COTL1: variants seen among roughly 807,000 people sequenced by gnomAD.
The protein encoded by COTL1 is coactosin like F-actin binding protein 1.
Under a neutral mutation model 16.5 loss-of-function variants are expected in COTL1, and 15 were observed. The ratio of observed to expected loss-of-function variants is 0.91; its 90% CI spans 0.61 to 1.40. The LOEUF (loss-of-function observed/expected upper bound fraction) is 1.40. COTL1 is among the 40% of genes most tolerant of loss of function. The probability of loss-of-function intolerance (pLI) is 0.00; values close to 1 mark genes in which losing one functional copy is unlikely to be tolerated. For synonymous variants in COTL1, 112 were observed against 85.3 expected, an observed-to-expected ratio of 1.31 and a Z score of -1.73; for missense variants, 220 against 201.5, an observed-to-expected ratio of 1.09 and a Z score of -0.56.
At chr16:84,599,469 T>C (rs1332335589) in intron 2 of COTL1, among the ~76,000 whole-genome samples, 5 of 152,210 alleles carry the variant, frequency 3.3e-5, no homozygotes, top group African/African-American at 4.8e-5. Flanking sequence ...TTAGCGTAAG[T>C]CCTTTGGATC....
At chr16:84,593,831 G>A (rs892615080) in intron 2 of COTL1, among the ~76,000 whole-genome samples, 2 of 152,154 alleles carry the variant, frequency 1.3e-5, no homozygotes, top group African/African-American at 4.8e-5. Flanking sequence ...CAATTCAGTG[G>A]CTTTAAGGAC....
intron 2 of COTL1, among the ~76,000 whole-genome samples, chr16:84,611,015 G>A (rs1905311589): frequency 6.6e-6 from 1 of 152,210 alleles, no homozygotes; most frequent in East Asian, 1.9e-4. Context: ...TTTACTCTGT[G>A]TCAGGCAGTA....
At chr16:84,617,388 A>T in intron 2 of COTL1, 113 bp downstream of exon 2, 1 of 933,754 alleles carries the variant, frequency 1.1e-6, no homozygotes, top group Non-Finnish European at 1.7e-6. Flanking sequence ...GCCATGCGCC[A>T]GGGGCACCCC....
chr16:84,603,670 G>A (rs890889533), intron 2 of COTL1, among the ~76,000 whole-genome samples: 1 of 152,118 alleles, frequency 6.6e-6, no homozygotes, highest in Admixed American at 6.5e-5. Context: ...GGAGGCAGTG[G>A]GGGAGCCGGG....
At chr16:84,614,093 T>C (rs559002393) in intron 2 of COTL1, among the ~76,000 whole-genome samples, 87 of 152,326 alleles carry the variant, frequency 5.7e-4, no homozygotes, top group Non-Finnish European at 1.1e-3. Flanking sequence ...CGGGCAGTCT[T>C]TGCTGCTGCT....
intron 3 of COTL1, among the ~76,000 whole-genome samples, chr16:84,582,975 C>T (rs1305531048): frequency 6.6e-6 from 1 of 152,204 alleles, no homozygotes; most frequent in Non-Finnish European, 1.5e-5. Flanking sequence ...AAGCTTCCAC[C>T]ATCAAGGAAG....
intron 3 of COTL1, among the ~76,000 whole-genome samples, chr16:84,584,686 G>C (rs1440596076): frequency 6.6e-6 from 1 of 151,658 alleles, no homozygotes; most frequent in Non-Finnish European, 1.5e-5. Context: ...AACATTTCTT[G>C]CGTGAACTGT....
At chr16:84,608,488 A>T (rs890832975) in intron 2 of COTL1, among the ~76,000 whole-genome samples, 1 of 152,262 alleles carries the variant, frequency 6.6e-6, no homozygotes, top group East Asian at 1.9e-4. Context: ...CACACAAAAA[A>T]GCTATGCAGC....
At chr16:84,604,014 C>T (rs1905157653) in intron 2 of COTL1, among the ~76,000 whole-genome samples, 1 of 128,178 alleles carries the variant, frequency 7.8e-6, no homozygotes, top group South Asian at 2.8e-4. Flanking sequence ...CCCATGCTCC[C>T]CACTCCCTAC....
intron 2 of COTL1, chr16:84,595,212 G>C (rs993593018): frequency 6.6e-6 from 1 of 152,372 alleles, no homozygotes. Flanking sequence ...GTGGGGGAGC[G>C]GGGTAAAGAG....
chr16:84,589,307 A>G (rs903994362), intron 3 of COTL1, among the ~76,000 whole-genome samples: 14 of 152,182 alleles, frequency 9.2e-5, no homozygotes, highest in Non-Finnish European at 2.9e-5. Context: ...TTGTTTTATC[A>G]TGGACCAATT....
At chr16:84,607,327 G>A (rs918696171) in intron 2 of COTL1, among the ~76,000 whole-genome samples, 4 of 152,134 alleles carry the variant, frequency 2.6e-5, no homozygotes, top group African/African-American at 9.7e-5. Flanking sequence ...CTAGGGAAGC[G>A]GGAAGGCAGG....
chr16:84,586,810 C>G (rs544477013), intron 3 of COTL1, among the ~76,000 whole-genome samples: 3 of 151,964 alleles, frequency 2.0e-5, no homozygotes, highest in African/African-American at 7.3e-5. Context: ...AGGCTGGTCT[C>G]GAACTCCTGA....
intron 2 of COTL1, among the ~76,000 whole-genome samples, chr16:84,600,904 A>G (rs1360797630): frequency 2.0e-5 from 3 of 152,202 alleles, no homozygotes; most frequent in East Asian, 1.9e-4. Flanking sequence ...ACCGAGAGCT[A>G]AAGGTTTTCC....
intron 2 of COTL1, among the ~76,000 whole-genome samples, chr16:84,607,479 T>C (rs1405480555): frequency 6.6e-6 from 1 of 152,164 alleles, no homozygotes; most frequent in African/African-American, 2.4e-5. Context: ...GAAGTGGGGA[T>C]AATTTCTACT....
At chr16:84,581,163 A>AT (rs879433025) in intron 3 of COTL1, among the ~76,000 whole-genome samples, 52,053 of 147,024 alleles carry the variant, frequency 0.35, 10,208 homozygotes, top group African/African-American at 0.54. Flanking sequence ...ACAAACAAAT[A>AT]AATATATGTA....
intron 2 of COTL1, among the ~76,000 whole-genome samples, chr16:84,601,779 A>T (rs1035299507): frequency 6.6e-6 from 1 of 152,230 alleles, no homozygotes; most frequent in Non-Finnish European, 1.5e-5. Flanking sequence ...AGGATGACTC[A>T]GAGTTCCTCC....
intron 3 of COTL1, among the ~76,000 whole-genome samples, chr16:84,588,653 G>A (rs143817627): frequency 1.3e-5 from 2 of 151,840 alleles, no homozygotes; most frequent in Admixed American, 6.6e-5. Context: ...TGGGACTACC[G>A]GTATGCACCA....
chr16:84,586,241 G>A (rs1279514553), intron 3 of COTL1, among the ~76,000 whole-genome samples: 1 of 152,086 alleles, frequency 6.6e-6, no homozygotes, highest in African/African-American at 2.4e-5. Context: ...ACCTAAAGCC[G>A]AAACCCCTGC....
Sources: gnomAD v4.1 joint callset for allele counts (sites outside exome capture counted in the v4.1 genomes callset) on GRCh38, gnomAD v4.1.1 for gene constraint, MANE v1.5 for transcripts, NCBI Gene and HGNC (gene_info 2026-07-23, HGNC 2026-07-21) for gene names.